The following CDH13 variants were observed in gnomAD, a reference collection of about 807,000 sequenced individuals.
CDH13 encodes cadherin-13.
In CDH13, 24 loss-of-function variants were observed where a neutral mutation model predicts 63.8. The observed-to-expected ratio is 0.38, with a 90% CI of 0.27 to 0.53. CDH13 has a LOEUF of 0.53. Among genes scored for constraint, CDH13 ranks in the 20% least tolerant of loss-of-function variants. The pLI is 0.85. For missense variants in CDH13, 1,049 were observed against 903.1 expected, an observed-to-expected ratio of 1.16 and a Z score of -2.07; for synonymous variants, 503 against 355.3, an observed-to-expected ratio of 1.42 and a Z score of -4.67.
At chr16:83,770,888 A>G (rs1346464641) in intron 11 of CDH13, among the ~76,000 whole-genome samples, 2 of 152,148 alleles carry the variant, frequency 1.3e-5, no homozygotes, top group Non-Finnish European at 2.9e-5. Context: ...CCTGTGACTT[A>G]GAATGCCTTA....
intron 10 of CDH13, among the ~76,000 whole-genome samples, chr16:83,722,271 T>C (rs1477451579): frequency 1.3e-5 from 2 of 152,184 alleles, no homozygotes; most frequent in Non-Finnish European, 2.9e-5. Context: ...CAAACAATGA[T>C]AGTTAAGATT....
intron 4 of CDH13, among the ~76,000 whole-genome samples, chr16:83,199,745 G>T (rs1374935529): frequency 6.6e-6 from 1 of 152,194 alleles, no homozygotes; most frequent in African/African-American, 2.4e-5. Context: ...GGTACAATGT[G>T]CTTTAGGGAT....
chr16:83,744,584 G>A (rs566553274), intron 10 of CDH13, among the ~76,000 whole-genome samples: 124 of 152,298 alleles, frequency 8.1e-4, no homozygotes, highest in Non-Finnish European at 1.4e-3. Context: ...CTGCTGAGTC[G>A]GATGTTTCTG....
At chr16:83,598,886 C>T (rs1907517705) in intron 7 of CDH13, among the ~76,000 whole-genome samples, 1 of 152,170 alleles carries the variant, frequency 6.6e-6, no homozygotes, top group African/African-American at 2.4e-5. Flanking sequence ...AACTTCCTTT[C>T]CCTAAGCGTT....
chr16:83,308,099 G>A (rs139875157), intron 5 of CDH13, among the ~76,000 whole-genome samples: 91 of 152,114 alleles, frequency 6.0e-4, no homozygotes, highest in Non-Finnish European at 1.0e-3. Context: ...AATATGTTGT[G>A]CGGGAATCAG....
chr16:83,395,823 C>T (rs917278945), intron 6 of CDH13, among the ~76,000 whole-genome samples: 2 of 152,044 alleles, frequency 1.3e-5, no homozygotes, highest in African/African-American at 4.8e-5. Context: ...TTGAGGAGTA[C>T]ATGCACAGGA....
At chr16:83,183,801 T>C (rs1040870572) in intron 4 of CDH13, among the ~76,000 whole-genome samples, 10 of 152,160 alleles carry the variant, frequency 6.6e-5, no homozygotes, top group Admixed American at 6.5e-4. Flanking sequence ...AGGCAGTGTT[T>C]GGCAAAAGTT....
chr16:83,072,977 A>G (rs1023616137), intron 3 of CDH13, among the ~76,000 whole-genome samples: 7 of 152,212 alleles, frequency 4.6e-5, no homozygotes, highest in African/African-American at 1.7e-4. Context: ...TTCAGAGAGT[A>G]GTTGCATTTA....
intron 1 of CDH13, among the ~76,000 whole-genome samples, chr16:82,791,944 C>T (rs2036326774): frequency 6.6e-6 from 1 of 152,154 alleles, no homozygotes; most frequent in African/African-American, 2.4e-5. Flanking sequence ...CCCGCCCCAT[C>T]TTGGGAGCTC....
intron 5 of CDH13, among the ~76,000 whole-genome samples, chr16:83,288,612 G>T (rs1194998937): frequency 6.6e-6 from 1 of 152,166 alleles, no homozygotes. Context: ...CATTCACATG[G>T]CAGAGTTACC....
At chr16:83,146,837 C>T (rs1277334823) in intron 4 of CDH13, among the ~76,000 whole-genome samples, 2 of 152,210 alleles carry the variant, frequency 1.3e-5, no homozygotes, top group East Asian at 3.8e-4. Flanking sequence ...CCTGTAATTC[C>T]AGCAGTTTGG....
At chr16:83,442,254 A>G (rs535215341) in intron 6 of CDH13, among the ~76,000 whole-genome samples, 1 of 152,290 alleles carries the variant, frequency 6.6e-6, no homozygotes, top group African/African-American at 2.4e-5. Context: ...ACAAGAAGGT[A>G]TTTGAGGTAG....
At chr16:83,341,316 G>A (rs774168588) in intron 5 of CDH13, among the ~76,000 whole-genome samples, 15 of 152,192 alleles carry the variant, frequency 9.9e-5, no homozygotes, top group South Asian at 2.1e-4. Context: ...TGGAGGATGC[G>A]CTGGAATTCA....
chr16:83,057,670 C>T (rs1017221091), intron 3 of CDH13, among the ~76,000 whole-genome samples: 1 of 151,636 alleles, frequency 6.6e-6, no homozygotes, highest in Non-Finnish European at 1.5e-5. Flanking sequence ...AAACCAGTTT[C>T]TAGCCTTTCT....
At chr16:82,662,417 A>C (rs1912059676) in intron 1 of CDH13, among the ~76,000 whole-genome samples, 1 of 152,226 alleles carries the variant, frequency 6.6e-6, no homozygotes, top group African/African-American at 2.4e-5. Context: ...AATTAAAAAG[A>C]GATTTATGTG....
At chr16:82,962,356 G>T (rs548674277) in intron 2 of CDH13, among the ~76,000 whole-genome samples, 1 of 152,200 alleles carries the variant, frequency 6.6e-6, no homozygotes, top group Non-Finnish European at 1.5e-5. Context: ...CCAAAAAAGC[G>T]TGGCCCTGCT....
At chr16:82,906,106 C>G (rs1036622892) in intron 2 of CDH13, among the ~76,000 whole-genome samples, 1 of 152,184 alleles carries the variant, frequency 6.6e-6, no homozygotes, top group Non-Finnish European at 1.5e-5. Context: ...GTACATCTAT[C>G]TCTCTAGAGA....
intron 8 of CDH13, among the ~76,000 whole-genome samples, chr16:83,659,688 A>G (rs1913259602): frequency 6.6e-6 from 1 of 151,914 alleles, no homozygotes; most frequent in South Asian, 2.1e-4. Flanking sequence ...TGACAGCTTT[A>G]GTCTGATACC....
chr16:83,272,667 G>T (rs1466011215), intron 5 of CDH13, among the ~76,000 whole-genome samples: 1 of 152,134 alleles, frequency 6.6e-6, no homozygotes, highest in African/African-American at 2.4e-5. Context: ...TAATAGGTCT[G>T]TGTGGCCCCT....
Sources: gnomAD v4.1 joint callset for allele counts (sites outside exome capture counted in the v4.1 genomes callset) on GRCh38, gnomAD v4.1.1 for gene constraint, MANE v1.5 for transcripts, NCBI Gene and HGNC (gene_info 2026-07-23, HGNC 2026-07-21) for gene names.